The following OTOGL variants were observed in gnomAD, a reference collection of about 807,000 sequenced individuals.
OTOGL encodes otogelin-like protein.
In OTOGL, 285 loss-of-function variants were observed where a neutral mutation model predicts 318.5. The ratio of observed to expected loss-of-function variants is 0.89; its 90% CI spans 0.81 to 0.99. OTOGL has a LOEUF of 0.99. Among genes scored for constraint, OTOGL ranks in the 50% least tolerant of loss-of-function variants. The pLI, the probability that OTOGL is intolerant of heterozygous loss-of-function variation, is 0.00. For synonymous variants in OTOGL, 987 were observed against 936.5 expected, an observed-to-expected ratio of 1.05 and a Z score of -0.99; for missense variants, 2,899 against 2,845.6, an observed-to-expected ratio of 1.02 and a Z score of -0.43.
At chr12:80,342,650 A>G in intron 44 of OTOGL, among the ~76,000 whole-genome samples, 1 of 152,298 alleles carries the variant, frequency 6.6e-6, no homozygotes, top group East Asian at 1.9e-4. Context: ...TCCATTATTA[A>G]AGACAAATGA....
At chr12:80,292,848 C>T (rs149809288) in intron 26 of OTOGL, among the ~76,000 whole-genome samples, 2 of 152,182 alleles carry the variant, frequency 1.3e-5, no homozygotes, top group Admixed American at 6.5e-5. Context: ...AAGTTAAACA[C>T]CATTTCATAT....
At chr12:80,278,860 T>C (rs1377296942) in intron 25 of OTOGL, among the ~76,000 whole-genome samples, 168 bp from the exon 26 acceptor site, 1 of 151,550 alleles carries the variant, frequency 6.6e-6, no homozygotes, top group Non-Finnish European at 1.5e-5. Context: ...GAAAAACGTA[T>C]GCCTAATTTG....
At chr12:80,328,319 A>AAAAAAC (rs1887833919) in intron 35 of OTOGL, among the ~76,000 whole-genome samples, 1 of 148,752 alleles carries the variant, frequency 6.7e-6, no homozygotes, top group African/African-American at 2.5e-5. Context: ...ACCCTGTCAC[A>AAAAAAC]AACAACAACA....
chr12:80,275,756 T>G (rs1883756182), intron 24 of OTOGL, among the ~76,000 whole-genome samples: 1 of 151,736 alleles, frequency 6.6e-6, no homozygotes, highest in African/African-American at 2.4e-5. Context: ...CCACCCTGAT[T>G]AGTCAGCAGC....
rs530862172 is a variant in OTOGL, at chr12:80,324,299, A to G, written c.4199+459A>G. Among the ~76,000 whole-genome samples the G allele has an allele frequency of 9.2e-5, 14 of 152,304 alleles. No homozygotes were observed. The East Asian group carries it at 2.7e-3, about 29-fold the overall frequency. ...CTGGTCAGAGATCTAAATGTAGTGAAGGCACTGGCCAGGTGGATATCTGGG... is the reference window on the plus strand; with the variant it reads ...CTGGTCAGAGATCTAAATGTAGTGAGGGCACTGGCCAGGTGGATATCTGGG... On this transcript the variant is annotated intron_variant, in intron 35 of 58. Coordinates refer to ENST00000547103, the MANE Select transcript of OTOGL (RefSeq NM_001378609.3).
At chr12:80,148,534 G>T (rs1468142014) in intron 1 of OTOGL, among the ~76,000 whole-genome samples, 1 of 150,364 alleles carries the variant, frequency 6.7e-6, no homozygotes, top group East Asian at 2.0e-4. Context: ...TATGTGTCTT[G>T]GAGTTGCTCT....
chr12:80,122,061 T>C (rs1201034947), intron 1 of OTOGL, among the ~76,000 whole-genome samples: 1 of 152,276 alleles, frequency 6.6e-6, no homozygotes, highest in African/African-American at 2.4e-5. Flanking sequence ...TCAAACTGTC[T>C]CATTTGAATC....
At chr12:80,160,947 T>C (rs1873470576) in intron 1 of OTOGL, among the ~76,000 whole-genome samples, 1 of 152,126 alleles carries the variant, frequency 6.6e-6, no homozygotes, top group East Asian at 1.9e-4. Context: ...TGAATGGAAC[T>C]GGAGGCTATT....
chr12:80,276,328 C>G (rs1258330747), intron 24 of OTOGL, among the ~76,000 whole-genome samples: 1 of 151,726 alleles, frequency 6.6e-6, no homozygotes, highest in African/African-American at 2.4e-5. Context: ...GGGACTGTCA[C>G]TAGGATAAGA....
chr12:80,358,493 C>A, intron 50 of OTOGL, 144 bp downstream of exon 50: 1 of 834,402 alleles, frequency 1.2e-6, no homozygotes, highest in Non-Finnish European at 1.9e-6. Flanking sequence ...TCTTTTTGTA[C>A]CTGTTTATAT....
At chr12:80,347,268 G>A (rs775709763) in intron 44 of OTOGL, among the ~76,000 whole-genome samples, 20 of 151,860 alleles carry the variant, frequency 1.3e-4, no homozygotes, top group Non-Finnish European at 2.9e-5. Context: ...ATCTACATTG[G>A]GTATTTCTCC....
chr12:80,282,996 CAT>C (rs1385424322), intron 26 of OTOGL, among the ~76,000 whole-genome samples: 16 of 151,952 alleles, frequency 1.1e-4, no homozygotes, highest in Admixed American at 1.1e-3. Context: ...ATGCTGGGAA[CAT>C]AGTTTCTCAC....
intron 44 of OTOGL, among the ~76,000 whole-genome samples, chr12:80,344,803 C>A (rs1182733092): frequency 6.8e-6 from 1 of 148,088 alleles, no homozygotes; most frequent in Non-Finnish European, 1.5e-5. Context: ...CTCATTAAAC[C>A]CATCACTCTC....
chr12:80,209,565 C>T, intron 2 of OTOGL, 55 bp downstream of exon 2: 1 of 1,196,462 alleles, frequency 8.4e-7, no homozygotes, highest in East Asian at 2.6e-5. Context: ...GTTTCTCTTA[C>T]AATTTATACA....
intron 22 of OTOGL, among the ~76,000 whole-genome samples, 156 bp from the exon 23 acceptor site, chr12:80,269,946 A>T (rs1027426108): frequency 1.3e-5 from 2 of 151,944 alleles, no homozygotes; most frequent in African/African-American, 4.8e-5. Flanking sequence ...CTGAAATTGG[A>T]CCTAACCCAA....
chr12:80,293,111 G>T (rs1885155472), intron 26 of OTOGL, among the ~76,000 whole-genome samples: 1 of 151,974 alleles, frequency 6.6e-6, no homozygotes, highest in African/African-American at 2.4e-5. Context: ...TTTACTCTTT[G>T]GTAGACAGGA....
chr12:80,356,505 C>T lies in OTOGL; in HGVS notation c.5896C>T (p.Pro1966Ser), dbSNP rs552419837. ...IVGHSPLSCC[P>S]QYKCECDPLK... ...TGGCCACAGTCCTCTTTCTTGCTGT[C>T]CACAGTACAAATGTGGTAAGTAATC... Residue 1966 changes from proline to serine, a missense_variant, in exon 48 of 59, where the codon CCA (proline) becomes TCA (serine). Pro to Ser is a moderately conservative substitution (Grantham distance 74, BLOSUM62 -1). This residue lies in a region of OTOGL where 2,607 missense variants were observed against 2,524.9 expected (regional missense o/e 1.03). Coordinates refer to ENST00000547103, the MANE Select transcript of OTOGL (RefSeq NM_001378609.3). 6.2e-7 allele frequency: 1 copy of T among 1,606,196 alleles called. No homozygotes were observed.
At chr12:80,161,452 A>G (rs1422363527) in intron 1 of OTOGL, among the ~76,000 whole-genome samples, 1 of 152,152 alleles carries the variant, frequency 6.6e-6, no homozygotes, top group African/African-American at 2.4e-5. Flanking sequence ...TGCTAAAAGA[A>G]CATTAAACTA....
At position 80,308,415 on chromosome 12, in the gene OTOGL, C is replaced by T. The variant is rs532746832; in HGVS notation, c.3334-2196C>T. Among the ~76,000 whole-genome samples the T allele has an allele frequency of 6.1e-3, 921 of 151,684 alleles. 9 individuals are homozygous for T. The highest frequency in any genetic ancestry group is 0.02 in the African/African-American group (838 of 41,302). On this transcript the variant is annotated intron_variant, in intron 29 of 58. Coordinates refer to ENST00000547103, the MANE Select transcript of OTOGL (RefSeq NM_001378609.3). Reference sequence around the variant, plus strand: ...CCCCACATCTCAGACGATGGGCGGCCGGGCAGAGATGCTCCTCACTTCCCA... The same window carrying T: ...CCCCACATCTCAGACGATGGGCGGCTGGGCAGAGATGCTCCTCACTTCCCA...
Sources: allele counts gnomAD v4.1 joint callset (sites outside exome capture counted in the v4.1 genomes callset), GRCh38; gene constraint gnomAD v4.1.1; regional missense constraint gnomAD v4.1.1; transcripts MANE v1.5; gene names NCBI Gene and HGNC (gene_info 2026-07-23, HGNC 2026-07-21).